Variants in SCFD2 observed in about 807,000 individuals in gnomAD.
The protein encoded by SCFD2 is sec1 family domain-containing protein 2.
SCFD2 carries 54 observed loss-of-function variants against 58.9 expected under a neutral mutation model. That is an observed-to-expected ratio of 0.92 (90% CI 0.74 to 1.15). SCFD2 has a LOEUF of 1.15. SCFD2 is among the 50% of genes most tolerant of loss of function. The probability of loss-of-function intolerance (pLI) is 0.00; values close to 1 mark genes in which losing one functional copy is unlikely to be tolerated. For missense variants in SCFD2, 805 were observed against 836.6 expected, an observed-to-expected ratio of 0.96 and a Z score of 0.47; for synonymous variants, 321 against 335.9, an observed-to-expected ratio of 0.96 and a Z score of 0.49.
At chr4:52,933,367 A>T (rs1179063984) in intron 5 of SCFD2, among the ~76,000 whole-genome samples, 1 of 152,210 alleles carries the variant, frequency 6.6e-6, no homozygotes, top group Non-Finnish European at 1.5e-5. Context: ...GGCAGAGATA[A>T]CTAAGATGAA....
intron 1 of SCFD2, among the ~76,000 whole-genome samples, chr4:53,356,183 G>A (rs1171891599): frequency 6.6e-6 from 1 of 152,198 alleles, no homozygotes; most frequent in African/African-American, 2.4e-5. Flanking sequence ...CTCCCATAGG[G>A]CTGCTTGAGT....
chr4:53,080,293 A>G (rs1724103278), intron 5 of SCFD2, among the ~76,000 whole-genome samples: 1 of 152,178 alleles, frequency 6.6e-6, no homozygotes. Flanking sequence ...TGTCTTTCCA[A>G]TCTCCACTCA....
intron 5 of SCFD2, among the ~76,000 whole-genome samples, chr4:53,020,466 T>C (rs1722319465): frequency 1.3e-5 from 2 of 152,206 alleles, no homozygotes; most frequent in African/African-American, 4.8e-5. Context: ...GTTAAGAAAC[T>C]GTCAGTCTTA....
At chr4:53,064,187 T>C (rs1285118110) in intron 5 of SCFD2, among the ~76,000 whole-genome samples, 5 of 152,092 alleles carry the variant, frequency 3.3e-5, no homozygotes, top group African/African-American at 1.2e-4. Flanking sequence ...GTATGTTGCA[T>C]GATGCTGAGG....
At chr4:52,926,187 T>C (rs1428645391) in intron 5 of SCFD2, among the ~76,000 whole-genome samples, 1 of 152,056 alleles carries the variant, frequency 6.6e-6, no homozygotes, top group East Asian at 1.9e-4. Context: ...CCTAGTTCTC[T>C]TCTGTTTGGT....
intron 4 of SCFD2, among the ~76,000 whole-genome samples, chr4:53,258,536 GTGTATATA>G (rs1289594612): frequency 1.1e-5 from 1 of 91,706 alleles, no homozygotes; most frequent in African/African-American, 5.4e-5. Context: ...CATGGTGTGT[GTGTATATA>G]TATATATATA....
chr4:52,963,258 C>A (rs1481820373), intron 5 of SCFD2, among the ~76,000 whole-genome samples: 1 of 152,128 alleles, frequency 6.6e-6, no homozygotes, highest in Non-Finnish European at 1.5e-5. Flanking sequence ...CTATGGGGAC[C>A]ATTTAGGGTT....
At chr4:52,931,930 G>A (rs1317063129) in intron 5 of SCFD2, among the ~76,000 whole-genome samples, 1 of 152,146 alleles carries the variant, frequency 6.6e-6, no homozygotes, top group South Asian at 2.1e-4. Context: ...GTATGTGTGG[G>A]ACGGGGATTC....
At chr4:52,878,539 A>G (rs1445160379) in intron 8 of SCFD2, among the ~76,000 whole-genome samples, 1 of 152,226 alleles carries the variant, frequency 6.6e-6, no homozygotes, top group African/African-American at 2.4e-5. Flanking sequence ...CAGAATTTTT[A>G]AAGCACATTT....
intron 5 of SCFD2, among the ~76,000 whole-genome samples, chr4:53,015,967 G>T (rs1322300354): frequency 6.6e-6 from 1 of 152,156 alleles, no homozygotes; most frequent in Admixed American, 6.5e-5. Flanking sequence ...AGATGTTTTT[G>T]ACTGAAGTTC....
chr4:53,293,841 C>A (rs1301050452), intron 3 of SCFD2, among the ~76,000 whole-genome samples: 1 of 152,032 alleles, frequency 6.6e-6, no homozygotes, highest in African/African-American at 2.4e-5. Context: ...ATCAAACCAC[C>A]ATCTACATTA....
chr4:53,306,190 T>C (rs1170571548), intron 3 of SCFD2, among the ~76,000 whole-genome samples: 1 of 152,162 alleles, frequency 6.6e-6, no homozygotes, highest in Admixed American at 6.6e-5. Flanking sequence ...GGGTTTTATG[T>C]TTTTTATTTA....
At chr4:53,195,022 G>T (rs1438961540) in intron 4 of SCFD2, among the ~76,000 whole-genome samples, 1 of 152,124 alleles carries the variant, frequency 6.6e-6, no homozygotes, top group Non-Finnish European at 1.5e-5. Flanking sequence ...TTTAAAAACA[G>T]AAAAGTCAGT....
At chr4:53,166,163 T>C (rs778729116) in intron 4 of SCFD2, among the ~76,000 whole-genome samples, 1 of 152,366 alleles carries the variant, frequency 6.6e-6, no homozygotes, top group Admixed American at 6.5e-5. Context: ...TATTGTTTAT[T>C]GATTCATTTG....
intron 1 of SCFD2, among the ~76,000 whole-genome samples, chr4:53,353,038 G>C (rs113020506): frequency 6.6e-6 from 1 of 152,164 alleles, no homozygotes; most frequent in Admixed American, 6.5e-5. Context: ...TCTGGAATTG[G>C]TGAGTTCTTG....
intron 5 of SCFD2, among the ~76,000 whole-genome samples, chr4:52,958,523 G>A (rs1720764256): frequency 1.3e-5 from 2 of 152,092 alleles, no homozygotes; most frequent in South Asian, 4.2e-4. Flanking sequence ...CTTTCATTAC[G>A]GTTTCACCCC....
At chr4:53,295,547 T>C (rs1351926516) in intron 3 of SCFD2, among the ~76,000 whole-genome samples, 1 of 152,162 alleles carries the variant, frequency 6.6e-6, no homozygotes, top group Non-Finnish European at 1.5e-5. Context: ...GCTGAGATGA[T>C]GGGGTTTTCT....
intron 5 of SCFD2, among the ~76,000 whole-genome samples, chr4:53,080,829 A>G (rs1458547210): frequency 6.6e-6 from 1 of 152,238 alleles, no homozygotes; most frequent in Non-Finnish European, 1.5e-5. Context: ...AGAGAATAGT[A>G]AAATTAATTT....
intron 7 of SCFD2, among the ~76,000 whole-genome samples, chr4:52,888,208 G>A (rs1331606809): frequency 2.6e-5 from 4 of 152,132 alleles, no homozygotes. Flanking sequence ...AAAGGATGAT[G>A]CATTAAGTAT....
Sources: allele counts gnomAD v4.1 joint callset (sites outside exome capture counted in the v4.1 genomes callset), GRCh38; gene constraint gnomAD v4.1.1; transcripts MANE v1.5; gene names NCBI Gene and HGNC (gene_info 2026-07-23, HGNC 2026-07-21).